Variants in XKR6 observed in about 807,000 individuals in gnomAD.
XKR6 encodes XK related 6.
XKR6 carries 22 observed loss-of-function variants against 56.7 expected under a neutral mutation model. That is an observed-to-expected ratio of 0.39 (90% CI 0.28 to 0.55). The LOEUF (loss-of-function observed/expected upper bound fraction) is 0.55. XKR6 is among the 20% of genes least tolerant of loss of function. XKR6 has a pLI of 0.66. For missense variants in XKR6, 852 were observed against 889.0 expected (o/e 0.96, Z 0.53); for synonymous variants, 524 against 387.8 (o/e 1.35, Z -4.13).
intron 1 of XKR6, among the ~76,000 whole-genome samples, chr8:10,972,150 C>A (rs765656797): frequency 5.3e-5 from 8 of 152,126 alleles, no homozygotes; most frequent in Non-Finnish European, 1.2e-4. Flanking sequence ...GGGGTTCATC[C>A]GGGCCCAGCT....
At chr8:11,004,369 G>C (rs540498082) in intron 1 of XKR6, among the ~76,000 whole-genome samples, 69 of 152,258 alleles carry the variant, frequency 4.5e-4, no homozygotes, top group African/African-American at 1.6e-3. Context: ...CTACTTAAGA[G>C]GCTGAGGCAG....
At chr8:11,190,208 G>A (rs1384155305) in intron 1 of XKR6, among the ~76,000 whole-genome samples, 5 of 93,916 alleles carry the variant, frequency 5.3e-5, no homozygotes, top group African/African-American at 2.1e-4. Flanking sequence ...AGAAAGAAAA[G>A]AAAGAAAGAA....
At chr8:11,059,364 C>A (rs908171069) in intron 1 of XKR6, among the ~76,000 whole-genome samples, 1 of 152,222 alleles carries the variant, frequency 6.6e-6, no homozygotes, top group Non-Finnish European at 1.5e-5. Context: ...CTTGCGTTTT[C>A]CCTCTCCAGC....
chr8:11,128,283 T>G (rs1799928971), intron 1 of XKR6, among the ~76,000 whole-genome samples: 1 of 152,176 alleles, frequency 6.6e-6, no homozygotes, highest in African/African-American at 2.4e-5. Context: ...AAAGCCCCAG[T>G]GCATCCAGGC....
chr8:10,971,400 G>C (rs1489646708), intron 1 of XKR6, among the ~76,000 whole-genome samples: 1 of 151,970 alleles, frequency 6.6e-6, no homozygotes, highest in Non-Finnish European at 1.5e-5. Flanking sequence ...CAGCCTGGGT[G>C]ACAGAGCGAG....
At chr8:11,025,142 T>C (rs1798832300) in intron 1 of XKR6, among the ~76,000 whole-genome samples, 1 of 152,204 alleles carries the variant, frequency 6.6e-6, no homozygotes, top group Non-Finnish European at 1.5e-5. Flanking sequence ...CATCATATGT[T>C]CAAATGCTTG....
intron 1 of XKR6, among the ~76,000 whole-genome samples, chr8:11,041,309 G>C (rs1265582043): frequency 6.6e-6 from 1 of 152,214 alleles, no homozygotes; most frequent in Non-Finnish European, 1.5e-5. Context: ...TGTAATCCCA[G>C]CACTTTGGGA....
rs117592460 is a variant in XKR6 at position 11,018,713 on chromosome 8, C to A, written c.765-93883G>T. Among the ~76,000 whole-genome samples, 155 of 152,286 alleles carry A rather than the reference C, an allele frequency of 1.0e-3. No individual in the cohort carries two copies. The South Asian group carries it at 0.01, about 10-fold the overall frequency. On this transcript the variant is annotated intron_variant, in intron 1 of 2. Coordinates refer to ENST00000416569, the MANE Select transcript of XKR6 (RefSeq NM_173683.4). ...CACACACACATGAACACACAGAACA[C>A]CAAAAGATTCTTCCTGAAACATGGT...
At chr8:11,124,740 G>A (rs1400953275) in intron 1 of XKR6, 1 of 152,102 alleles carries the variant, frequency 6.6e-6, no homozygotes, top group African/African-American at 2.4e-5. Context: ...AGTAAAAGAC[G>A]GCTCCATTAT....
intron 1 of XKR6, among the ~76,000 whole-genome samples, chr8:10,950,638 C>T (rs1801689939): frequency 6.6e-6 from 1 of 152,204 alleles, no homozygotes; most frequent in African/African-American, 2.4e-5. Context: ...AACAGAAAAC[C>T]TAGTCTCCTA....
At chr8:11,193,507 T>C (rs1803698629) in intron 1 of XKR6, among the ~76,000 whole-genome samples, 1 of 152,200 alleles carries the variant, frequency 6.6e-6, no homozygotes, top group Non-Finnish European at 1.5e-5. Context: ...CAATAGCCAC[T>C]GAATTCTCTC....
At chr8:11,156,692 C>G (rs960386332) in intron 1 of XKR6, among the ~76,000 whole-genome samples, 1 of 152,150 alleles carries the variant, frequency 6.6e-6, no homozygotes. Flanking sequence ...AGTGACTGCA[C>G]AGTGGTAAAT....
chr8:10,925,569 C>A (rs889537921), intron 1 of XKR6, among the ~76,000 whole-genome samples: 3 of 152,294 alleles, frequency 2.0e-5, no homozygotes, highest in East Asian at 3.9e-4. Context: ...CTCCCGGGCT[C>A]TGTGTGGGAG....
In XKR6 at chr8:10,897,841, G is replaced by C; in HGVS notation, c.*111C>G. 2 of 1,354,006 alleles carry C rather than the reference G, an allele frequency of 1.5e-6. No individual in the cohort carries two copies. The highest frequency in any genetic ancestry group is 2.0e-6 in the Non-Finnish European group (2 of 1,017,906). The allele number at this position is 1,354,006 out of a possible 1,614,324, so 83.9% of individuals were successfully genotyped here. ...GTGGTGTTGGTGTGGCGGTGTTGGT[G>C]GTGGTGGCGGTGGTTCTGTGTATTG... On this transcript the variant is annotated 3_prime_UTR_variant, in exon 3 of 3. Transcript: ENST00000416569.
chr8:11,108,312 G>C (rs549182835), intron 1 of XKR6: 8 of 456,108 alleles, frequency 1.8e-5, no homozygotes, highest in Non-Finnish European at 3.1e-5. Flanking sequence ...AGATTTAAGT[G>C]TTATGAAACA....
chr8:11,062,950 G>C (rs780532236), intron 1 of XKR6: 1 of 425,832 alleles, frequency 2.3e-6, no homozygotes, highest in Non-Finnish European at 4.8e-6. Flanking sequence ...TTGGCTAGAA[G>C]TGAAGGACTC....
chr8:10,954,970 G>C (rs1801839579), intron 1 of XKR6, among the ~76,000 whole-genome samples: 1 of 148,442 alleles, frequency 6.7e-6, no homozygotes, highest in Non-Finnish European at 1.5e-5. Flanking sequence ...CTGGGTTCAA[G>C]TGATTCTCCA....
Position 10,926,814 on chromosome 8 carries a change from G to A in XKR6, c.765-1984C>T, listed in dbSNP as rs951900062. Among the ~76,000 whole-genome samples the A allele has an allele frequency of 5.3e-5, 8 of 152,236 alleles. No homozygotes were observed. In the East Asian group the frequency reaches 5.8e-4, roughly 11 times the overall value. ...GTTGCCTTGCTCTGGGCCCCTGCCC[G>A]TGAGTTCACAAAATCAAGGAACCAG... On this transcript the variant is annotated intron_variant, in intron 1 of 2. Transcript: ENST00000416569.
intron 1 of XKR6, among the ~76,000 whole-genome samples, chr8:11,051,736 A>C (rs566610301): frequency 6.0e-4 from 91 of 152,262 alleles, no homozygotes; most frequent in African/African-American, 2.1e-3. Context: ...AGCCAGAATG[A>C]AGGATTTGAG....
Sources: gnomAD v4.1 joint callset for allele counts (sites outside exome capture counted in the v4.1 genomes callset) on GRCh38, gnomAD v4.1.1 for gene constraint, MANE v1.5 for transcripts, NCBI Gene and HGNC (gene_info 2026-07-23, HGNC 2026-07-21) for gene names.